Variants in TRIM2 observed in about 807,000 individuals in gnomAD.
The protein encoded by TRIM2 is tripartite motif-containing protein 2.
Under a neutral mutation model 75.2 loss-of-function variants are expected in TRIM2, and 20 were observed. The ratio of observed to expected loss-of-function variants is 0.27; its 90% CI spans 0.19 to 0.39. The LOEUF (loss-of-function observed/expected upper bound fraction) is 0.39. Among genes scored for constraint, TRIM2 ranks in the 10% least tolerant of loss-of-function variants. The pLI is 1.00. For synonymous variants in TRIM2, 373 were observed against 388.3 expected, an observed-to-expected ratio of 0.96 and a Z score of 0.46; for missense variants, 660 against 990.8, an observed-to-expected ratio of 0.67 and a Z score of 4.48.
intron 2 of TRIM2, 43 bp downstream of exon 2, chr4:153,270,562 ACCT>A (rs1472025917): frequency 4.0e-6 from 6 of 1,491,460 alleles, no homozygotes; most frequent in Non-Finnish European, 5.4e-6. Flanking sequence ...TCGCAGGCTG[ACCT>A]CCTACAACCT....
chr4:153,275,984 G>A lies in TRIM2; in HGVS notation c.307G>A (p.Ala103Thr), dbSNP rs762582474. 2.5e-6 allele frequency: 4 copies of A among 1,614,200 alleles called. No homozygotes were observed. The highest frequency in any genetic ancestry group is 2.5e-6 in the Non-Finnish European group (3 of 1,180,036). The change falls in exon 3 of 12, where the codon GCG becomes ACG. Residue 103 changes from alanine (A) to threonine (T), a missense_variant. Around this residue, in one of 2 missense-constraint regions of TRIM2, gnomAD observed 620 missense variants for 891.0 expected, o/e 0.70. Coordinates refer to ENST00000338700, the MANE Select transcript of TRIM2 (RefSeq NM_015271.5). The part of the protein sequence containing the change: ...TSILPEKGVA[A>T]LQNNFFITNL... Reference sequence around the variant, plus strand: ...CATCCTGCCCGAGAAAGGGGTGGCCGCGCTCCAGAACAATTTCTTCATCAC... The same window carrying A: ...CATCCTGCCCGAGAAAGGGGTGGCCACGCTCCAGAACAATTTCTTCATCAC...
At chr4:153,253,064 A>G (rs909481428) in intron 1 of TRIM2, among the ~76,000 whole-genome samples, 10 of 152,238 alleles carry the variant, frequency 6.6e-5, no homozygotes, top group African/African-American at 2.4e-4. Context: ...TGTGGAGTAC[A>G]CAGGAGTGGT....
At position 153,248,763 on chromosome 4, in the gene TRIM2, A is replaced by G. The variant is rs1560883634; in HGVS notation, c.31-21572A>G. ...TGCCAGGCAGGTTGCTTAGGAAAAT[A>G]CTCTTCTGGTAACATGTTGGAGGGG... On this transcript the variant is annotated intron_variant, in intron 1 of 11. Transcript: ENST00000338700. This position sits in a 1 kb window ranked among gnomAD's most constrained non-coding sequence, Gnocchi z 4.0. 1.3e-5 allele frequency among the ~76,000 whole-genome samples: 2 copies of G among 152,140 alleles called. No homozygotes were observed. Among genetic ancestry groups the G allele is most frequent in the African/African-American group, 4.8e-5 (2 of 41,424 alleles).
intron 3 of TRIM2, among the ~76,000 whole-genome samples, chr4:153,289,094 C>A (rs1241919172): frequency 6.6e-6 from 1 of 151,944 alleles, no homozygotes; most frequent in Non-Finnish European, 1.5e-5. Context: ...CTATAAATTT[C>A]TTTTATTCCT....
chr4:153,301,104 T>C (rs911526360), intron 6 of TRIM2, among the ~76,000 whole-genome samples: 2 of 151,616 alleles, frequency 1.3e-5, no homozygotes, highest in Non-Finnish European at 2.9e-5. Context: ...GGCAGGAGAA[T>C]CACTTGAACC....
upstream of TRIM2, among the ~76,000 whole-genome samples, chr4:153,202,032 T>C (rs1025115581): frequency 6.6e-6 from 1 of 152,228 alleles, no homozygotes; most frequent in Non-Finnish European, 1.5e-5. Context: ...AGGAGCCTCA[T>C]ACATCATTTA....
intron 6 of TRIM2, chr4:153,308,591 T>C (rs896643806): frequency 3.0e-6 from 2 of 658,624 alleles, no homozygotes; most frequent in African/African-American, 1.8e-5. Flanking sequence ...GTCAAAATGT[T>C]GACAGTGGTG....
chr4:153,305,026 G>A (rs1042170592), intron 6 of TRIM2, among the ~76,000 whole-genome samples: 18 of 152,216 alleles, frequency 1.2e-4, no homozygotes, highest in African/African-American at 4.1e-4. Context: ...GATTTAGAGT[G>A]ATGTGATGGA....
At chr4:153,209,165 A>G (rs1736264021) in intron 1 of TRIM2, among the ~76,000 whole-genome samples, 1 of 152,216 alleles carries the variant, frequency 6.6e-6, no homozygotes, top group African/African-American at 2.4e-5. Context: ...ACCTTGGTGC[A>G]CCCAATGCCT....
chr4:153,261,071 C>G (rs1015446046), intron 1 of TRIM2, among the ~76,000 whole-genome samples: 3 of 151,950 alleles, frequency 2.0e-5, no homozygotes, highest in African/African-American at 4.8e-5. Context: ...ATAAATGTAC[C>G]AGAAGATTTG....
At chr4:153,188,499 C>G (rs1732851509) in intron 1 of TRIM2, among the ~76,000 whole-genome samples, 1 of 152,164 alleles carries the variant, frequency 6.6e-6, no homozygotes, top group Admixed American at 6.5e-5. Context: ...AAGCAAAAAA[C>G]TGATGGCTCC....
chr4:153,215,821 C>T (rs909988845), intron 1 of TRIM2, among the ~76,000 whole-genome samples: 2 of 151,848 alleles, frequency 1.3e-5, no homozygotes, highest in African/African-American at 4.8e-5. Context: ...TTTTTTTTCA[C>T]ACTGTGGATA....
Position 153,270,357 on chromosome 4 carries a change from C to T in TRIM2, c.53C>T (p.Thr18Ile). The change falls in exon 2 of 12, where the codon ACA (threonine) becomes ATA (isoleucine). Residue 18 changes from threonine (T) to isoleucine (I), a missense_variant. Physicochemically the swap from Thr to Ile is moderately conservative, Grantham distance 89. Transcript: ENST00000338700. ...CAGCAGCAGCGTGCAGGGTCAAAGA[C>T]AGCCGGCCCCCCATGTCAGTGGTCT... ...GTQQQRAGSKTAGPPCQWSRM... is the reference protein window; with the variant it reads ...GTQQQRAGSKIAGPPCQWSRM... 1.9e-6 allele frequency: 3 copies of T among 1,613,236 alleles called. No individual in the cohort carries two copies. The highest frequency in any genetic ancestry group is 2.5e-6 in the Non-Finnish European group (3 of 1,179,578).
intron 1 of TRIM2, among the ~76,000 whole-genome samples, chr4:153,194,537 A>G (rs1350346577): frequency 6.6e-6 from 1 of 152,184 alleles, no homozygotes; most frequent in African/African-American, 2.4e-5. Context: ...AAACCAATTG[A>G]TAGTGACAGA....
intron 1 of TRIM2, among the ~76,000 whole-genome samples, chr4:153,155,145 A>G (rs1019441884): frequency 1.3e-5 from 2 of 152,228 alleles, no homozygotes; most frequent in African/African-American, 2.4e-5. Context: ...GTCTCAAAAA[A>G]AAAGAAAGAA....
At chr4:153,152,415 T>TACAC (rs1366693669), upstream of TRIM2, 1 of 144,300 alleles carries the variant, frequency 6.9e-6, no homozygotes, top group Non-Finnish European at 1.5e-5. Flanking sequence ...TGTGTATATA[T>TACAC]ATATATATAT....
chr4:153,238,660 G>C (rs1745644579), intron 1 of TRIM2, among the ~76,000 whole-genome samples: 2 of 152,192 alleles, frequency 1.3e-5, no homozygotes, highest in African/African-American at 4.8e-5. Context: ...TTTTAAAGAA[G>C]ACTTGTTGTA....
intron 3 of TRIM2, among the ~76,000 whole-genome samples, chr4:153,292,413 A>G (rs1762002522): frequency 6.6e-6 from 1 of 152,232 alleles, no homozygotes; most frequent in African/African-American, 2.4e-5. Context: ...TAAATACTTT[A>G]AAATTTTTAT....
chr4:153,163,646 C>A (rs1729984534), intron 1 of TRIM2, among the ~76,000 whole-genome samples: 1 of 150,910 alleles, frequency 6.6e-6, no homozygotes, highest in Non-Finnish European at 1.5e-5. Flanking sequence ...GGATTACAGG[C>A]GAGTGCCACC....
Sources: allele counts gnomAD v4.1 joint callset (sites outside exome capture counted in the v4.1 genomes callset), GRCh38; gene constraint gnomAD v4.1.1; regional missense constraint gnomAD v4.1.1; non-coding constraint Gnocchi (gnomAD v3.1); transcripts MANE v1.5; gene names NCBI Gene and HGNC (gene_info 2026-07-23, HGNC 2026-07-21).